Variants in COL28A1 observed in about 807,000 individuals in gnomAD.
The protein encoded by COL28A1 is collagen type XXVIII alpha 1 chain.
A neutral mutation model predicts 150.2 loss-of-function variants in COL28A1; 161 were observed. That is an observed-to-expected ratio of 1.07 (90% CI 0.94 to 1.22). The LOEUF (loss-of-function observed/expected upper bound fraction) is 1.22. Among genes scored for constraint, COL28A1 ranks in the 50% most tolerant of loss-of-function variants. The pLI, the probability that COL28A1 is intolerant of heterozygous loss-of-function variation, is 0.00. For synonymous variants in COL28A1, 552 were observed against 469.7 expected (o/e 1.18, Z -2.26); for missense variants, 1,617 against 1,388.3 (o/e 1.16, Z -2.62).
Position 7,466,389 on chromosome 7 carries a change from G to A in COL28A1, c.1302+8212C>T, listed in dbSNP as rs1788083214. Among the ~76,000 whole-genome samples the A allele has an allele frequency of 1.4e-5, 2 of 142,972 alleles. 1 individual carries two copies. The highest frequency in any genetic ancestry group is 4.7e-4 in the South Asian group (2 of 4,276). The allele number at this position is 142,972 out of a possible 152,430, so 93.8% of individuals were successfully genotyped here. On this transcript the variant is annotated intron_variant, in intron 15 of 34. Transcript: ENST00000399429. ...AGATGAAATGAATGAAATGAAGAGA[G>A]AAGGGAAGTTTAGAGAAAAAAGAAT...
Position 7,452,384 on chromosome 7 carries a change from C to G in COL28A1, c.1444G>C (p.Glu482Gln). ...CCTGTAGGTCCCATTTGGCCTACTT[C>G]TCCCTAGTAAGAAAAGAGTTTAATA... ...AGQGLPGSKG[E>Q]VGQMGPTGPR... The change falls in exon 18 of 35, where the codon GAA becomes CAA. Residue 482 changes from glutamate to glutamine, a missense_variant. Coordinates refer to ENST00000399429, the MANE Select transcript of COL28A1 (RefSeq NM_001037763.3). 1 of 1,595,452 alleles carries G rather than the reference C, an allele frequency of 6.3e-7. No individual in the cohort carries two copies. Among genetic ancestry groups the G allele is most frequent in the South Asian group, 1.1e-5 (1 of 87,170 alleles).
intron 14 of COL28A1, among the ~76,000 whole-genome samples, chr7:7,475,614 G>T (rs1013195106): frequency 6.6e-6 from 1 of 152,058 alleles, no homozygotes; most frequent in Non-Finnish European, 1.5e-5. Flanking sequence ...AAATACCCTG[G>T]AATATTCTTC....
chr7:7,456,396 A>G (rs1343905991), intron 15 of COL28A1, among the ~76,000 whole-genome samples: 1 of 152,206 alleles, frequency 6.6e-6, no homozygotes, highest in African/African-American at 2.4e-5. Flanking sequence ...AATAGTTGTT[A>G]TGACACAAAC....
chr7:7,456,801 G>C (rs978141811), intron 15 of COL28A1, among the ~76,000 whole-genome samples: 10 of 152,164 alleles, frequency 6.6e-5, no homozygotes, highest in African/African-American at 2.2e-4. Flanking sequence ...TTTAGTAGGG[G>C]AAACAAGATG....
chr7:7,382,817 G>C (rs747206357), intron 27 of COL28A1, among the ~76,000 whole-genome samples: 1 of 152,056 alleles, frequency 6.6e-6, no homozygotes, highest in African/African-American at 2.4e-5. Context: ...TGAAGGTAAA[G>C]GCAAAATATG....
intron 17 of COL28A1, among the ~76,000 whole-genome samples, chr7:7,453,136 G>A (rs1786846238): frequency 6.6e-6 from 1 of 152,196 alleles, no homozygotes; most frequent in Non-Finnish European, 1.5e-5. Context: ...CCAACCTAGA[G>A]AGACACATAA....
the COL28A1 span, among the ~76,000 whole-genome samples, chr7:7,345,598 A>G: frequency 0.61 from 93,208 of 151,988 alleles, 32,593 homozygotes; most frequent in East Asian, 0.87. Context: ...TCATTTTAAA[A>G]GAACAGTTTC....
chr7:7,434,832 CAA>C (rs768787352), intron 23 of COL28A1, among the ~76,000 whole-genome samples: 3 of 152,188 alleles, frequency 2.0e-5, no homozygotes, highest in Non-Finnish European at 4.4e-5. Flanking sequence ...AAATGTCCTA[CAA>C]AGTTATTTAC....
intron 8 of COL28A1, among the ~76,000 whole-genome samples, chr7:7,512,109 C>T (rs1433327796): frequency 6.6e-6 from 1 of 152,030 alleles, no homozygotes; most frequent in Non-Finnish European, 1.5e-5. Flanking sequence ...TGAAATAAGC[C>T]AGGAACAGAA....
intron 3 of COL28A1, among the ~76,000 whole-genome samples, chr7:7,526,971 G>A (rs1000897229): frequency 3.3e-5 from 5 of 152,110 alleles, no homozygotes; most frequent in Non-Finnish European, 5.9e-5. Context: ...TTAAATTCAC[G>A]AATTCAGCTC....
intron 13 of COL28A1, among the ~76,000 whole-genome samples, chr7:7,488,843 T>G (rs887039969): frequency 2.6e-5 from 4 of 152,236 alleles, no homozygotes; most frequent in Non-Finnish European, 4.4e-5. Flanking sequence ...AACTCTTTTC[T>G]TCTTGTTCAA....
intron 27 of COL28A1, among the ~76,000 whole-genome samples, chr7:7,402,347 G>A (rs6979399): frequency 0.13 from 20,366 of 152,212 alleles, 1,452 homozygotes; most frequent in Middle Eastern, 0.2. Flanking sequence ...GGCTCAGAAG[G>A]AGTGGATTCA....
At chr7:7,492,803 C>T (rs1053136640) in intron 11 of COL28A1, among the ~76,000 whole-genome samples, 1 of 151,338 alleles carries the variant, frequency 6.6e-6, no homozygotes, top group African/African-American at 2.4e-5. Flanking sequence ...ACTTACTGTG[C>T]ATGCTGTTGA....
the COL28A1 span, among the ~76,000 whole-genome samples, chr7:7,542,683 G>A: frequency 1.3e-5 from 2 of 152,170 alleles, no homozygotes; most frequent in East Asian, 3.8e-4. Flanking sequence ...GAAAGCAACG[G>A]GAGCCACTGA....
chr7:7,437,599 A>G (rs941096422), intron 21 of COL28A1, 137 bp from the exon 22 acceptor site: 2 of 1,318,098 alleles, frequency 1.5e-6, no homozygotes, highest in African/African-American at 1.7e-5. Context: ...CCAATGTGAA[A>G]ATAATTTGAG....
At chr7:7,362,486 CTTTTGATTTT>C (rs1193983400) in intron 33 of COL28A1, among the ~76,000 whole-genome samples, 1 of 152,070 alleles carries the variant, frequency 6.6e-6, no homozygotes, top group Non-Finnish European at 1.5e-5. Context: ...TGTTCTATTG[CTTTTGATTTT>C]TTTTGTGTGT....
At chr7:7,418,024 G>T in intron 26 of COL28A1, 97 bp from the exon 27 acceptor site, 1 of 945,404 alleles carries the variant, frequency 1.1e-6, no homozygotes, top group Non-Finnish European at 1.6e-6. Context: ...TCTTACTTCA[G>T]TCTGACCAGG....
At chr7:7,509,698 G>A (rs1411622209) in intron 9 of COL28A1, among the ~76,000 whole-genome samples, 1 of 151,822 alleles carries the variant, frequency 6.6e-6, no homozygotes, top group Non-Finnish European at 1.5e-5. Flanking sequence ...AATAATCCCT[G>A]ACATCTTAGT....
Position 7,489,406 on chromosome 7 carries a change from C to A in COL28A1, c.1147G>T (p.Gly383Cys). 7.0e-7 allele frequency: 1 copy of A among 1,434,030 alleles called. No homozygotes were observed. The highest frequency in any genetic ancestry group is 9.8e-7 in the Non-Finnish European group (1 of 1,015,336). 88.8% of individuals were successfully genotyped at this position (1,434,030 alleles called of 1,614,324 possible). A position where few individuals can be genotyped will look rare whatever the true frequency, so the allele number is the denominator to read the frequency against. ...RPGAPGPIGV[G>C]EPGQPGPRGP... ...CTACTTACTGGCTGTCCAGGCTCAC[C>A]AACTCCAATGGGTCCTGGAGCTCCC... The change falls in exon 13 of 35, where the codon GGT becomes TGT. Residue 383 changes from glycine to cysteine, a missense_variant. By Grantham distance (159) the Gly-to-Cys change is radical (BLOSUM62 -3). Coordinates refer to ENST00000399429, the MANE Select transcript of COL28A1 (RefSeq NM_001037763.3).
Sources: allele counts gnomAD v4.1 joint callset (sites outside exome capture counted in the v4.1 genomes callset), GRCh38; gene constraint gnomAD v4.1.1; transcripts MANE v1.5; gene names NCBI Gene and HGNC (gene_info 2026-07-23, HGNC 2026-07-21).